The following TNPO2 variants were observed in gnomAD, a reference collection of about 807,000 sequenced individuals.
TNPO2 encodes transportin-2.
TNPO2 carries 16 observed loss-of-function variants against 111.1 expected under a neutral mutation model. That is an observed-to-expected ratio of 0.14 (90% confidence interval 0.10 to 0.22). TNPO2 has a LOEUF of 0.22. TNPO2 is among the 10% of genes least tolerant of loss of function. The pLI, the probability that TNPO2 is intolerant of heterozygous loss-of-function variation, is 1.00. For synonymous variants in TNPO2, 481 were observed against 475.8 expected, an observed-to-expected ratio of 1.01 and a Z score of -0.14; for missense variants, 530 against 1,173.7, an observed-to-expected ratio of 0.45 and a Z score of 8.01.
chr19:12,702,151 G>T lies in TNPO2; in HGVS notation c.2332C>A (p.Pro778Thr). The change falls in exon 22 of 26, where the codon CCA becomes ACA. Residue 778 changes from proline (P) to threonine (T), a missense_variant. By Grantham distance (38) the Pro-to-Thr change is conservative. Around this residue, in one of 4 missense-constraint regions of TNPO2, gnomAD observed 183 missense variants for 481.0 expected, o/e 0.38. Transcript: ENST00000425528. This position sits in a 1 kb window ranked among gnomAD's most constrained non-coding sequence, Gnocchi z 5.5. ...CCCAAGCGGCCGATGGTGATGGCTG[G>T]AATGGCAGAGGGACTCGTCAGGCGA... ...TGRLTSPSAIPAITIGRLGYV... is the reference protein window; with the variant it reads ...TGRLTSPSAITAITIGRLGYV... The T allele has an allele frequency of 6.2e-7, 1 of 1,613,432 alleles. No homozygotes were observed. The highest frequency in any genetic ancestry group is 8.5e-7 in the Non-Finnish European group (1 of 1,179,776).
rs1024593230 is a variant in TNPO2, at chr19:12,721,198, G to C, written c.-13-208C>G. ...CAGTCGCGGGCTCGGGAGCGCGGGA[G>C]GGGGGATGTGGAAACGGGCCACAGG... On this transcript the variant is annotated intron_variant, in intron 2 of 25. Coordinates refer to ENST00000425528, the MANE Select transcript of TNPO2 (RefSeq NM_001382241.1). This position sits in a 1 kb window ranked among gnomAD's most constrained non-coding sequence, Gnocchi z 4.9. 1 of 1,375,558 alleles carries C rather than the reference G, an allele frequency of 7.3e-7. No homozygotes were observed. The highest frequency in any genetic ancestry group is 3.4e-5 in the Admixed American group (1 of 29,432). 85.2% of individuals were successfully genotyped at this position (1,375,558 alleles called of 1,614,324 possible). A position where few individuals can be genotyped will look rare whatever the true frequency, so the allele number is the denominator to read the frequency against.
At chr19:12,717,170 C>T (rs2026408374) in intron 5 of TNPO2, among the ~76,000 whole-genome samples, 1 of 145,100 alleles carries the variant, frequency 6.9e-6, no homozygotes, top group South Asian at 2.1e-4. Context: ...ACTTTAGCCA[C>T]ACCCCCTCAT....
chr19:12,714,053 T>C (rs984926557), intron 10 of TNPO2, among the ~76,000 whole-genome samples: 2 of 152,084 alleles, frequency 1.3e-5, no homozygotes, highest in African/African-American at 4.8e-5. Context: ...AAAAATGATT[T>C]GGAGAGAGGC....
In TNPO2 at chr19:12,710,622, C is replaced by G; in HGVS notation, c.1269G>C (p.Glu423Asp). 1 of 1,613,176 alleles carries G rather than the reference C, an allele frequency of 6.2e-7. No individual in the cohort carries two copies. The highest frequency in any genetic ancestry group is 8.5e-7 in the Non-Finnish European group (1 of 1,179,624). Residue 423 changes from glutamate to aspartate, a missense_variant and splice_region_variant, in exon 13 of 26, where the codon GAG (glutamate) becomes GAC (aspartate). Coordinates refer to ENST00000425528, the MANE Select transcript of TNPO2 (RefSeq NM_001382241.1). ...GGCTCAGAGATCAGGCGCACTCACC[C>G]TCAGCAATGGCGCCCAGCACCAGGA... is the stretch of plus-strand genomic sequence containing the variant. ...SGILVLGAIA[E>D]GCMQGMVPYL...
chr19:12,701,354 C>T lies in TNPO2; in HGVS notation c.2686G>A (p.Gly896Arg), dbSNP rs2025285728. 1.2e-6 allele frequency: 2 copies of T among 1,613,598 alleles called. No homozygotes were observed. The highest frequency in any genetic ancestry group is 2.7e-5 in the African/African-American group (2 of 74,918). ...GCAGTCTCCATGATCACCTAGACCC[C>T]ATAGAAAGCCGCCAGCCTCTCCTTG... Reference protein sequence around the residue: ...LLKERLAAFYGV With the variant: ...LLKERLAAFYRV The change falls in exon 25 of 26, where the codon GGG becomes AGG. Residue 896 changes from glycine to arginine, a missense_variant. Coordinates refer to ENST00000425528, the MANE Select transcript of TNPO2 (RefSeq NM_001382241.1). This position sits in a 1 kb window ranked among gnomAD's most constrained non-coding sequence, Gnocchi z 5.0.
At position 12,715,620 on chromosome 19, in the gene TNPO2, G is replaced by A; in HGVS notation, c.432+13C>T. ...CCAGTACTCGCTCTGGCCATCCATG[G>A]CTTCTTGCCTACCTCACAAGTGTTG... On this transcript the variant is annotated intron_variant, in intron 6 of 25. Transcript: ENST00000425528. The surrounding 1 kb of genome is among the most constrained non-coding windows in gnomAD (Gnocchi z 7.1). 1 of 1,613,742 alleles carries A rather than the reference G, an allele frequency of 6.2e-7. No homozygotes were observed. Among genetic ancestry groups the A allele is most frequent in the Non-Finnish European group, 8.5e-7 (1 of 1,179,766 alleles).
chr19:12,707,351 T>C (rs1332164466), intron 13 of TNPO2, among the ~76,000 whole-genome samples: 1 of 152,198 alleles, frequency 6.6e-6, no homozygotes, highest in South Asian at 2.1e-4. Flanking sequence ...CATGTGTTAA[T>C]TGAATTCATG....
chr19:12,708,738 G>A (rs568142867), intron 13 of TNPO2, among the ~76,000 whole-genome samples: 1 of 152,220 alleles, frequency 6.6e-6, no homozygotes, highest in South Asian at 2.1e-4. Flanking sequence ...AGGTGCGGTG[G>A]TGGACACCTG....
chr19:12,721,497 C>T lies in TNPO2; in HGVS notation c.-13-507G>A, dbSNP rs1385186700. Reference sequence around the variant, plus strand: ...AACTTCTGCCAGATCCCAGAGGCCTCCTGCCCTAGTCCAATTTCTGAGCTT... The same window carrying T: ...AACTTCTGCCAGATCCCAGAGGCCTTCTGCCCTAGTCCAATTTCTGAGCTT... On this transcript the variant is annotated intron_variant, in intron 2 of 25. Transcript: ENST00000425528. The surrounding 1 kb of genome is among the most constrained non-coding windows in gnomAD (Gnocchi z 4.9). 5.0e-6 allele frequency: 2 copies of T among 397,190 alleles called. No homozygotes were observed. Among genetic ancestry groups the T allele is most frequent in the African/African-American group, 4.4e-5 (2 of 45,266 alleles). 24.6% of individuals were successfully genotyped at this position (397,190 alleles called of 1,614,324 possible).
In TNPO2 at chr19:12,702,203, G is replaced by C. The variant is rs764389543; in HGVS notation, c.2306-26C>G. The C allele has an allele frequency of 3.1e-6, 5 of 1,594,172 alleles. No homozygotes were observed. In the African/African-American group the frequency reaches 5.4e-5, roughly 17 times the overall value. ...CTGCAACCCCGAGCGGCCCCGGGAC[G>C]GTACGTGGCGGGGCCTCTGGCACAA... On this transcript the variant is annotated intron_variant, in intron 21 of 25. Transcript: ENST00000425528. The surrounding 1 kb of genome is among the most constrained non-coding windows in gnomAD (Gnocchi z 5.5).
In TNPO2 at chr19:12,719,384, AG is replaced by A. The variant is rs528272785; in HGVS notation, c.100-49del. The A allele has an allele frequency of 3.1e-4, 475 of 1,541,720 alleles. 6 individuals are homozygous for A. In the South Asian group the frequency reaches 5.0e-3, roughly 16 times the overall value. The stretch of plus-strand genomic sequence containing the variant: ...GGAAGACAGAGGCCTTCCCCCAGCC[AG>A]GTCCCCTCATTATGTACCTGACACT... On this transcript the variant is annotated intron_variant, in intron 3 of 25. Coordinates refer to ENST00000425528, the MANE Select transcript of TNPO2 (RefSeq NM_001382241.1). The surrounding 1 kb of genome is among the most constrained non-coding windows in gnomAD (Gnocchi z 5.0).
intron 10 of TNPO2, among the ~76,000 whole-genome samples, chr19:12,714,033 T>G (rs534549749): frequency 1.9e-4 from 29 of 151,878 alleles, no homozygotes; most frequent in Admixed American, 1.6e-3. Flanking sequence ...TGTCTCAAAA[T>G]AAAAAAGAAA....
At position 12,700,396 on chromosome 19, in the gene TNPO2, G is replaced by A. The variant is rs1326461849; in HGVS notation, c.*868C>T. On this transcript the variant is annotated 3_prime_UTR_variant, in exon 26 of 26. Transcript: ENST00000425528. Reference sequence around the variant, plus strand: ...ACACCCAGCTCTCTTCAGGAAAAAGGTCCCAACCCAGTGTCTTCAAAAGCC... The same window carrying A: ...ACACCCAGCTCTCTTCAGGAAAAAGATCCCAACCCAGTGTCTTCAAAAGCC... 6.6e-6 allele frequency: 1 copy of A among 152,220 alleles called. No homozygotes were observed. The highest frequency in any genetic ancestry group is 2.1e-4 in the South Asian group (1 of 4,832). The allele number at this position is 152,220 out of a possible 1,614,324, so 9.4% of individuals were successfully genotyped here.
In TNPO2 at chr19:12,706,473, G is replaced by T; in HGVS notation, c.1496+97C>A. ...TCAGGATCAGCCAGTACGAATACGC[G>T]ATAAATCAGTTCCACATCAACAGTC... is the stretch of plus-strand genomic sequence containing the variant. On this transcript the variant is annotated intron_variant, in intron 14 of 25. Transcript: ENST00000425528. The surrounding 1 kb of genome is among the most constrained non-coding windows in gnomAD (Gnocchi z 7.0). 6.4e-7 allele frequency: 1 copy of T among 1,570,500 alleles called. No individual in the cohort carries two copies. The highest frequency in any genetic ancestry group is 8.8e-7 in the Non-Finnish European group (1 of 1,141,520).
chr19:12,707,142 C>T (rs1426285577), intron 13 of TNPO2, among the ~76,000 whole-genome samples: 1 of 152,144 alleles, frequency 6.6e-6, no homozygotes, highest in Non-Finnish European at 1.5e-5. Context: ...GGATTACAGG[C>T]CTCTGCCACA....
At chr19:12,718,348 G>A (rs780516442) in intron 5 of TNPO2, among the ~76,000 whole-genome samples, 23 of 152,132 alleles carry the variant, frequency 1.5e-4, no homozygotes, top group Non-Finnish European at 1.9e-4. Flanking sequence ...TCTATTTTTA[G>A]TAGAGATGGG....
intron 20 of TNPO2, among the ~76,000 whole-genome samples, chr19:12,703,223 C>T (rs775801417): frequency 1.3e-5 from 2 of 152,190 alleles, no homozygotes; most frequent in Non-Finnish European, 1.5e-5. Flanking sequence ...TTTTAGCCAA[C>T]TACACAAAAC....
In TNPO2 at chr19:12,716,721, G is replaced by A. The variant is rs189050969; in HGVS notation, c.326-982C>T. 3.4e-3 allele frequency among the ~76,000 whole-genome samples: 514 copies of A among 152,294 alleles called. 4 individuals are homozygous for A. The highest frequency in any genetic ancestry group is 0.012 in the African/African-American group (485 of 41,558). On this transcript the variant is annotated intron_variant, in intron 5 of 25. Transcript: ENST00000425528. Reference sequence around the variant, plus strand: ...AAAAGATGGTGAGAAAGGGCTGTAGGTGAAGGTAGCAACTTTAAATTGGGT... The same window carrying A: ...AAAAGATGGTGAGAAAGGGCTGTAGATGAAGGTAGCAACTTTAAATTGGGT...
At position 12,706,002 on chromosome 19, in the gene TNPO2, G is replaced by T; in HGVS notation, c.1668+194C>A. 1 of 562,950 alleles carries T rather than the reference G, an allele frequency of 1.8e-6. No individual in the cohort carries two copies. Among genetic ancestry groups the T allele is most frequent in the Non-Finnish European group, 2.9e-6 (1 of 339,486 alleles). The allele number at this position is 562,950 out of a possible 1,614,324, so 34.9% of individuals were successfully genotyped here. Reference sequence around the variant, plus strand: ...ACCACCTCCTGGTTCCCGAAGCACAGCACTTACCACGCTGTCTCATAACTG... The same window carrying T: ...ACCACCTCCTGGTTCCCGAAGCACATCACTTACCACGCTGTCTCATAACTG... On this transcript the variant is annotated intron_variant, in intron 15 of 25. Transcript: ENST00000425528. This position sits in a 1 kb window ranked among gnomAD's most constrained non-coding sequence, Gnocchi z 7.0.
Sources: gnomAD v4.1 joint callset for allele counts (sites outside exome capture counted in the v4.1 genomes callset) on GRCh38, gnomAD v4.1.1 for gene constraint, gnomAD v4.1.1 regional missense constraint, Gnocchi (gnomAD v3.1) non-coding constraint, MANE v1.5 for transcripts, NCBI Gene and HGNC (gene_info 2026-07-23, HGNC 2026-07-21) for gene names.